PTPRD: variants seen among roughly 807,000 people sequenced by gnomAD.
PTPRD encodes the protein receptor-type tyrosine-protein phosphatase delta.
A neutral mutation model predicts 214.5 loss-of-function variants in PTPRD; 34 were observed. The observed-to-expected ratio is 0.16, with a 90% CI of 0.12 to 0.21. PTPRD has a LOEUF of 0.21. Among genes scored for constraint, PTPRD ranks in the 10% least tolerant of loss-of-function variants. The pLI is 1.00. For synonymous variants in PTPRD, 1,128 were observed against 845.7 expected (o/e 1.33, Z -5.79); for missense variants, 2,545 against 2,398.7 (o/e 1.06, Z -1.27).
rs933274409 is a variant in PTPRD, at chr9:8,845,560, G to A, written c.-103-111614C>T. ...GGCTGTGCCTTACAGGCATGGCACAGCCATTCACTGATAAGCTGGCACAGC... is the reference window on the plus strand; with the variant it reads ...GGCTGTGCCTTACAGGCATGGCACAACCATTCACTGATAAGCTGGCACAGC... On this transcript the variant is annotated intron_variant, in intron 11 of 45. Transcript: ENST00000381196. 3.6e-4 allele frequency among the ~76,000 whole-genome samples: 55 copies of A among 152,226 alleles called. 1 individual carries two copies. Among genetic ancestry groups the A allele is most frequent in the Admixed American group, 3.3e-3 (50 of 15,290 alleles).
At chr9:8,415,103 T>C (rs1437019269) in intron 35 of PTPRD, among the ~76,000 whole-genome samples, 4 of 152,136 alleles carry the variant, frequency 2.6e-5, no homozygotes, top group Non-Finnish European at 2.9e-5. Flanking sequence ...TCTAACACTA[T>C]TGATGCAGCA....
chr9:9,374,652 A>C (rs1038977834), intron 9 of PTPRD, among the ~76,000 whole-genome samples: 5 of 152,204 alleles, frequency 3.3e-5, no homozygotes. Context: ...TAAAACCCTC[A>C]ATACGTTGTA....
intron 10 of PTPRD, among the ~76,000 whole-genome samples, chr9:9,073,632 G>C (rs1342683365): frequency 1.3e-5 from 2 of 152,100 alleles, no homozygotes; most frequent in Non-Finnish European, 2.9e-5. Flanking sequence ...CCTTAGTTTC[G>C]AGCCTTCAGA....
At chr9:9,570,624 G>C (rs1591837179) in intron 8 of PTPRD, among the ~76,000 whole-genome samples, 1 of 151,498 alleles carries the variant, frequency 6.6e-6, no homozygotes, top group Non-Finnish European at 1.5e-5. Flanking sequence ...TAAAGTCTTA[G>C]AACCAATCTT....
At chr9:9,966,552 T>A (rs1041957556) in intron 4 of PTPRD, among the ~76,000 whole-genome samples, 2 of 151,988 alleles carry the variant, frequency 1.3e-5, no homozygotes, top group Non-Finnish European at 2.9e-5. Flanking sequence ...CACAAAAAGA[T>A]TACAAATCAT....
intron 7 of PTPRD, among the ~76,000 whole-genome samples, chr9:9,631,897 A>C (rs543746470): frequency 6.6e-6 from 1 of 152,202 alleles, no homozygotes; most frequent in Non-Finnish European, 1.5e-5. Flanking sequence ...AAATCATTAC[A>C]TGTCAATAAA....
In PTPRD at chr9:8,321,275, T is replaced by C. The variant is rs528613798; in HGVS notation, c.5535-1309A>G. 5.9e-5 allele frequency among the ~76,000 whole-genome samples: 9 copies of C among 151,832 alleles called. No homozygotes were observed. In the South Asian group the frequency reaches 1.9e-3, roughly 32 times the overall value. On this transcript the variant is annotated intron_variant, in intron 44 of 45. Transcript: ENST00000381196. ...TTGCCAGAGTCTATCTTACCTTGAT[T>C]TGATAGCTCGAATGCAACAAAAACA...
At chr9:10,576,993 T>G (rs12684234) in intron 2 of PTPRD, among the ~76,000 whole-genome samples, 4,170 of 152,234 alleles carry the variant, frequency 0.027, 113 homozygotes, top group East Asian at 0.083. Flanking sequence ...TTTAAAGGGC[T>G]TGAAATAGAA....
chr9:10,432,991 C>G (rs980351339), intron 2 of PTPRD, among the ~76,000 whole-genome samples: 6 of 151,898 alleles, frequency 4.0e-5, no homozygotes, highest in African/African-American at 1.4e-4. Flanking sequence ...CAGGTCCATA[C>G]GTAAGTCCCT....
rs1011156534 is a variant in PTPRD at position 9,724,644 on chromosome 9, C to T, written c.-287+9889G>A. Among the ~76,000 whole-genome samples the T allele has an allele frequency of 2.0e-5, 3 of 152,112 alleles. No homozygotes were observed. In the South Asian group the frequency reaches 6.2e-4, roughly 32 times the overall value. On this transcript the variant is annotated intron_variant, in intron 7 of 45. Transcript: ENST00000381196. ...GTATTTCTGATCCAGTTGAAGAAAG[C>T]ATTAGATCAAAATGTGAAGGATGAA...
chr9:9,321,929 G>T (rs550155230), intron 9 of PTPRD, among the ~76,000 whole-genome samples: 4 of 152,062 alleles, frequency 2.6e-5, no homozygotes, highest in South Asian at 4.1e-4. Context: ...GTACTTTATC[G>T]CTCTCATTAA....
chr9:9,100,640 T>G (rs1443889907), intron 10 of PTPRD, among the ~76,000 whole-genome samples: 3 of 152,082 alleles, frequency 2.0e-5, no homozygotes, highest in Non-Finnish European at 4.4e-5. Flanking sequence ...CACAAACAGA[T>G]GTAAGCATCT....
chr9:9,696,288 G>A (rs983444539), intron 7 of PTPRD, among the ~76,000 whole-genome samples: 1 of 152,124 alleles, frequency 6.6e-6, no homozygotes, highest in African/African-American at 2.4e-5. Context: ...GCAATTGGAT[G>A]AAATGTTCTA....
chr9:8,386,458 T>C (rs1375349389), intron 37 of PTPRD, among the ~76,000 whole-genome samples: 1 of 152,248 alleles, frequency 6.6e-6, no homozygotes, highest in Non-Finnish European at 1.5e-5. Context: ...GGAATGAATA[T>C]TATTTTAAGA....
intron 14 of PTPRD, among the ~76,000 whole-genome samples, chr9:8,580,541 A>T (rs2092963460): frequency 6.6e-6 from 1 of 152,300 alleles, no homozygotes; most frequent in East Asian, 1.9e-4. Context: ...AAAGATACCA[A>T]AGTACGTGAT....
At chr9:9,432,719 C>A (rs1168172239) in intron 8 of PTPRD, among the ~76,000 whole-genome samples, 2 of 152,168 alleles carry the variant, frequency 1.3e-5, no homozygotes, top group East Asian at 3.9e-4. Context: ...TATGGACTTT[C>A]TAAAGTATCA....
chr9:10,210,796 C>CATATAT (rs35136618), intron 3 of PTPRD, among the ~76,000 whole-genome samples: 6,234 of 74,714 alleles, frequency 0.083, 200 homozygotes, highest in Admixed American at 0.11. Flanking sequence ...CAAAAAACTT[C>CATATAT]ATATATATAT....
intron 3 of PTPRD, among the ~76,000 whole-genome samples, chr9:10,264,709 T>A (rs1350905250): frequency 1.3e-5 from 2 of 152,088 alleles, no homozygotes; most frequent in Non-Finnish European, 2.9e-5. Flanking sequence ...ACTTTCGGGA[T>A]CTCTTGGGAA....
intron 4 of PTPRD, among the ~76,000 whole-genome samples, chr9:9,960,770 A>G (rs1269735814): frequency 2.0e-5 from 3 of 152,192 alleles, no homozygotes; most frequent in Admixed American, 1.3e-4. Context: ...CATGATAACT[A>G]AATATAATGT....
Sources: allele counts gnomAD v4.1 joint callset (sites outside exome capture counted in the v4.1 genomes callset), GRCh38; gene constraint gnomAD v4.1.1; transcripts MANE v1.5; gene names NCBI Gene and HGNC (gene_info 2026-07-23, HGNC 2026-07-21).